Variants in CTNNA2 observed in about 807,000 individuals in gnomAD.
CTNNA2 encodes the protein catenin alpha-2.
Under a neutral mutation model 101.0 loss-of-function variants are expected in CTNNA2, and 42 were observed. The observed-to-expected ratio is 0.42, with a 90% CI of 0.32 to 0.54. The LOEUF is 0.54. CTNNA2 is among the 20% of genes least tolerant of loss of function. CTNNA2 has a pLI of 0.14. For synonymous variants in CTNNA2, 450 were observed against 456.4 expected, an observed-to-expected ratio of 0.99 and a Z score of 0.18; for missense variants, 871 against 1,223.1, an observed-to-expected ratio of 0.71 and a Z score of 4.29.
intron 9 of CTNNA2, among the ~76,000 whole-genome samples, chr2:80,481,122 A>C (rs1179124000): frequency 6.6e-6 from 1 of 152,128 alleles, no homozygotes; most frequent in Admixed American, 6.6e-5. Context: ...TTGAGGTAAA[A>C]TGCCAAATTA....
At chr2:79,268,164 A>C (rs1675011558) in intron 2 of CTNNA2, among the ~76,000 whole-genome samples, 1 of 152,154 alleles carries the variant, frequency 6.6e-6, no homozygotes, top group Non-Finnish European at 1.5e-5. Flanking sequence ...TAGTATCAAC[A>C]GGCATGATGA....
At chr2:79,441,272 A>G (rs1202952487) in intron 4 of CTNNA2, among the ~76,000 whole-genome samples, 4 of 152,192 alleles carry the variant, frequency 2.6e-5, no homozygotes, top group Non-Finnish European at 5.9e-5. Context: ...CCTCTTTCAG[A>G]AACTGTATCA....
At chr2:80,361,919 A>G (rs1231274443) in intron 7 of CTNNA2, among the ~76,000 whole-genome samples, 2 of 152,158 alleles carry the variant, frequency 1.3e-5, no homozygotes, top group Admixed American at 6.6e-5. Flanking sequence ...TAAAAAGCCA[A>G]ATAGATGCAA....
chr2:79,197,287 C>T (rs1673973907), intron 1 of CTNNA2, among the ~76,000 whole-genome samples: 1 of 152,090 alleles, frequency 6.6e-6, no homozygotes, highest in Non-Finnish European at 1.5e-5. Flanking sequence ...GAAGGAAAAG[C>T]TTTAGAGTGA....
At chr2:79,257,422 A>G (rs1674862108) in intron 2 of CTNNA2, among the ~76,000 whole-genome samples, 1 of 152,058 alleles carries the variant, frequency 6.6e-6, no homozygotes, top group African/African-American at 2.4e-5. Flanking sequence ...ACTTTAATAG[A>G]ACTCTGACTG....
At chr2:79,834,673 A>G (rs1679179865) in intron 3 of CTNNA2, among the ~76,000 whole-genome samples, 1 of 151,906 alleles carries the variant, frequency 6.6e-6, no homozygotes, top group Admixed American at 6.6e-5. Context: ...CATGACTAAT[A>G]TTTTCATTTT....
intron 7 of CTNNA2, among the ~76,000 whole-genome samples, chr2:80,272,499 A>G (rs1041690984): frequency 6.6e-6 from 1 of 152,202 alleles, no homozygotes; most frequent in African/African-American, 2.4e-5. Context: ...TTTTAGAACC[A>G]TTGGCTCTAA....
chr2:80,367,596 G>A (rs1675056490), intron 7 of CTNNA2, among the ~76,000 whole-genome samples: 1 of 151,922 alleles, frequency 6.6e-6, no homozygotes, highest in Non-Finnish European at 1.5e-5. Context: ...TGAAAAGTTG[G>A]TTGAGCATTC....
intron 3 of CTNNA2, among the ~76,000 whole-genome samples, chr2:79,755,761 A>G (rs894463479): frequency 1.3e-5 from 2 of 152,194 alleles, no homozygotes; most frequent in African/African-American, 4.8e-5. Flanking sequence ...TATCAACATC[A>G]TTTTAATTAG....
chr2:79,887,961 A>G (rs191293409), intron 6 of CTNNA2, among the ~76,000 whole-genome samples: 5 of 152,336 alleles, frequency 3.3e-5, no homozygotes, highest in Non-Finnish European at 7.3e-5. Flanking sequence ...CAAAGCATTA[A>G]GAAACACTCC....
intron 4 of CTNNA2, among the ~76,000 whole-genome samples, chr2:79,380,010 G>A (rs1375086330): frequency 6.6e-6 from 1 of 152,164 alleles, no homozygotes; most frequent in Non-Finnish European, 1.5e-5. Flanking sequence ...ATTCAAGACA[G>A]TTCTGTTAAT....
At chr2:79,975,412 C>T (rs1690767168) in intron 7 of CTNNA2, among the ~76,000 whole-genome samples, 1 of 152,158 alleles carries the variant, frequency 6.6e-6, no homozygotes, top group Non-Finnish European at 1.5e-5. Context: ...CCCCCACACA[C>T]TAAGAGATCA....
intron 2 of CTNNA2, among the ~76,000 whole-genome samples, chr2:79,213,530 A>T (rs1225357910): frequency 6.6e-6 from 1 of 152,146 alleles, no homozygotes; most frequent in Admixed American, 6.5e-5. Flanking sequence ...TAGATGTGGA[A>T]GATACTATAG....
intron 9 of CTNNA2, among the ~76,000 whole-genome samples, chr2:80,484,899 G>A (rs1318534592): frequency 2.0e-5 from 3 of 152,044 alleles, no homozygotes; most frequent in Non-Finnish European, 2.9e-5. Context: ...CCAGCTACTC[G>A]GGAGGCTGAG....
chr2:80,259,456 A>G (rs1672425893), intron 7 of CTNNA2, among the ~76,000 whole-genome samples: 1 of 152,178 alleles, frequency 6.6e-6, no homozygotes, highest in Non-Finnish European at 1.5e-5. Context: ...AGGTCACAGG[A>G]GCCCCTGAGC....
At chr2:80,551,776 G>A (rs1692575754) in intron 11 of CTNNA2, among the ~76,000 whole-genome samples, 1 of 152,166 alleles carries the variant, frequency 6.6e-6, no homozygotes. Context: ...CAATAAGGCT[G>A]CTTCATTTTC....
intron 4 of CTNNA2, among the ~76,000 whole-genome samples, chr2:79,474,171 T>G (rs1671028777): frequency 6.6e-6 from 1 of 152,080 alleles, no homozygotes; most frequent in South Asian, 2.1e-4. Flanking sequence ...GAGGAAGAAG[T>G]AGAAAATATA....
At chr2:80,527,053 C>T (rs183735201) in intron 9 of CTNNA2, among the ~76,000 whole-genome samples, 34 of 152,282 alleles carry the variant, frequency 2.2e-4, no homozygotes, top group African/African-American at 7.9e-4. Flanking sequence ...GATGGCACCA[C>T]CCTGAGTGCT....
chr2:79,203,053 A>T (rs955872477), intron 2 of CTNNA2, among the ~76,000 whole-genome samples: 1 of 152,038 alleles, frequency 6.6e-6, no homozygotes, highest in Admixed American at 6.6e-5. Flanking sequence ...CATTTTCCTC[A>T]CTACTACTCT....
Sources: allele counts gnomAD v4.1 joint callset (sites outside exome capture counted in the v4.1 genomes callset), GRCh38; gene constraint gnomAD v4.1.1; transcripts MANE v1.5; gene names NCBI Gene and HGNC (gene_info 2026-07-23, HGNC 2026-07-21).